Variants in CHRM3 observed in about 807,000 individuals in gnomAD.
CHRM3 encodes muscarinic acetylcholine receptor M3.
Under a neutral mutation model 41.8 loss-of-function variants are expected in CHRM3, and 11 were observed. The observed-to-expected ratio is 0.26, with a 90% CI of 0.17 to 0.44. The LOEUF is 0.44. CHRM3 is among the 20% of genes least tolerant of loss of function. The pLI, the probability that CHRM3 is intolerant of heterozygous loss-of-function variation, is 1.00. For missense variants in CHRM3, 571 were observed against 745.4 expected (o/e 0.77, Z 2.72); for synonymous variants, 297 against 301.4 (o/e 0.99, Z 0.15).
chr1:239,505,324 T>C (rs900370299), intron 2 of CHRM3, among the ~76,000 whole-genome samples: 1 of 151,932 alleles, frequency 6.6e-6, no homozygotes, highest in African/African-American at 2.4e-5. Flanking sequence ...GGTTTGGCTT[T>C]GTCCCCACCC....
At position 239,673,065 on chromosome 1, in the gene CHRM3, C is replaced by T. The variant is rs561357931; in HGVS notation, c.-249-5121C>T. 4.6e-5 allele frequency among the ~76,000 whole-genome samples: 7 copies of T among 152,222 alleles called. No individual in the cohort carries two copies. In the South Asian group the frequency reaches 8.3e-4, roughly 18 times the overall value. On this transcript the variant is annotated intron_variant, in intron 4 of 6. Transcript: ENST00000676153. ...AGAAGCAGCACCCCCAAATTAGCTTCGGTTTCTTCAAATGCACGTTCTTCC... is the reference window on the plus strand; with the variant it reads ...AGAAGCAGCACCCCCAAATTAGCTTTGGTTTCTTCAAATGCACGTTCTTCC...
intron 1 of CHRM3, among the ~76,000 whole-genome samples, chr1:239,457,057 C>G (rs1406651658): frequency 6.6e-6 from 1 of 152,182 alleles, no homozygotes; most frequent in East Asian, 1.9e-4. Flanking sequence ...TTGTTGCTGT[C>G]ATTCCCCGGA....
At chr1:239,629,625 G>C (rs1253347735) in intron 3 of CHRM3, 1 of 152,092 alleles carries the variant, frequency 6.6e-6, no homozygotes, top group Non-Finnish European at 1.5e-5. Context: ...GTGTGCACTG[G>C]GAAACCAAAA....
intron 6 of CHRM3, among the ~76,000 whole-genome samples, chr1:239,868,811 C>T (rs1431178847): frequency 6.6e-6 from 1 of 152,166 alleles, no homozygotes; most frequent in Non-Finnish European, 1.5e-5. Flanking sequence ...AGAACGGAGC[C>T]TTGGCTTGTA....
intron 2 of CHRM3, among the ~76,000 whole-genome samples, chr1:239,516,361 G>A (rs565561822): frequency 1.3e-5 from 2 of 152,248 alleles, no homozygotes; most frequent in Non-Finnish European, 2.9e-5. Context: ...TGGGCATCAC[G>A]ATACTCGCAA....
At chr1:239,496,797 A>G (rs980936193) in intron 2 of CHRM3, among the ~76,000 whole-genome samples, 6 of 152,076 alleles carry the variant, frequency 3.9e-5, no homozygotes, top group Non-Finnish European at 1.5e-5. Context: ...GGTTGCATGT[A>G]TGATGTTCTC....
At chr1:239,730,840 CAGAG>C (rs145367533) in intron 5 of CHRM3, among the ~76,000 whole-genome samples, 1 of 150,274 alleles carries the variant, frequency 6.7e-6, no homozygotes, top group Non-Finnish European at 1.5e-5. Context: ...GGAAAGAAGG[CAGAG>C]AGAGAGAGAG....
chr1:239,406,178 C>A (rs575606284), intron 1 of CHRM3, among the ~76,000 whole-genome samples: 2 of 152,324 alleles, frequency 1.3e-5, no homozygotes, highest in Admixed American at 6.5e-5. Context: ...GCGTGAGCCA[C>A]CGTGCCTGGC....
At chr1:239,410,691 C>T (rs1045000882) in intron 1 of CHRM3, among the ~76,000 whole-genome samples, 2 of 152,170 alleles carry the variant, frequency 1.3e-5, no homozygotes, top group Non-Finnish European at 2.9e-5. Flanking sequence ...TTCTACACCC[C>T]CTTCCTCCAG....
intron 2 of CHRM3, among the ~76,000 whole-genome samples, chr1:239,514,811 C>T (rs889888393): frequency 1.3e-5 from 2 of 152,104 alleles, no homozygotes; most frequent in African/African-American, 4.8e-5. Flanking sequence ...TCAGTCCTCT[C>T]ATTCTGACTC....
intron 5 of CHRM3, among the ~76,000 whole-genome samples, chr1:239,697,116 A>ATATTGAT (rs1296323995): frequency 2.0e-5 from 3 of 152,176 alleles, no homozygotes; most frequent in African/African-American, 7.2e-5. Flanking sequence ...AAGTAATATC[A>ATATTGAT]ATATGGCAAC....
rs567385848 is a variant in CHRM3, at chr1:239,835,190, G to A, written c.-20+7812G>A. 8.5e-5 allele frequency among the ~76,000 whole-genome samples: 13 copies of A among 152,266 alleles called. 1 individual carries two copies. Among genetic ancestry groups the A allele is most frequent in the Middle Eastern group, 3.4e-3 (1 of 294 alleles). The stretch of plus-strand genomic sequence containing the variant: ...AAATAATAAATCACATGGAGGTCTC[G>A]CTGGCCAACAGGAAACTGGGCAGAT... On this transcript the variant is annotated intron_variant, in intron 6 of 6. Coordinates refer to ENST00000676153, the MANE Select transcript of CHRM3 (RefSeq NM_001375978.1).
At chr1:239,608,385 T>C (rs973123502) in intron 3 of CHRM3, among the ~76,000 whole-genome samples, 3 of 152,230 alleles carry the variant, frequency 2.0e-5, no homozygotes, top group African/African-American at 7.2e-5. Flanking sequence ...CACATACTTA[T>C]TGTTAAGTTT....
chr1:239,822,794 T>G (rs1672157395), intron 5 of CHRM3, among the ~76,000 whole-genome samples: 2 of 152,214 alleles, frequency 1.3e-5, no homozygotes, highest in African/African-American at 4.8e-5. Context: ...AAAGGGGATT[T>G]TCATTAAGTT....
intron 5 of CHRM3, among the ~76,000 whole-genome samples, chr1:239,785,019 C>A (rs1668782306): frequency 6.6e-6 from 1 of 152,204 alleles, no homozygotes; most frequent in Non-Finnish European, 1.5e-5. Flanking sequence ...ATTGTCTTCT[C>A]AGTTCTCTTG....
intron 4 of CHRM3, among the ~76,000 whole-genome samples, chr1:239,661,839 T>C (rs1382248915): frequency 5.3e-5 from 8 of 152,126 alleles, no homozygotes; most frequent in Non-Finnish European, 1.0e-4. Context: ...TCAATATTGG[T>C]TCACTTGTTA....
chr1:239,653,624 G>A (rs1672440182), intron 4 of CHRM3, among the ~76,000 whole-genome samples: 1 of 152,124 alleles, frequency 6.6e-6, no homozygotes, highest in South Asian at 2.1e-4. Context: ...ACTTACAAGG[G>A]CTCGTTTAGC....
At chr1:239,664,754 A>G (rs936717580) in intron 4 of CHRM3, among the ~76,000 whole-genome samples, 1 of 152,062 alleles carries the variant, frequency 6.6e-6, no homozygotes, top group Non-Finnish European at 1.5e-5. Context: ...CCATGTTTCA[A>G]TGTTGCACAT....
chr1:239,871,279 G>C (rs983297436), intron 6 of CHRM3, among the ~76,000 whole-genome samples: 3 of 152,140 alleles, frequency 2.0e-5, no homozygotes, highest in Non-Finnish European at 2.9e-5. Flanking sequence ...GTCTCGCTCT[G>C]TTGCGAGGCT....
Sources: allele counts gnomAD v4.1 joint callset (sites outside exome capture counted in the v4.1 genomes callset), GRCh38; gene constraint gnomAD v4.1.1; transcripts MANE v1.5; gene names NCBI Gene and HGNC (gene_info 2026-07-23, HGNC 2026-07-21).